Variants in ACVR1C observed in about 807,000 individuals in gnomAD.
The protein encoded by ACVR1C is activin A receptor type 1C.
In ACVR1C, 23 loss-of-function variants were observed where a neutral mutation model predicts 57.9. The observed-to-expected ratio is 0.40, with a 90% CI of 0.29 to 0.56. The LOEUF (loss-of-function observed/expected upper bound fraction) is 0.56. ACVR1C is among the 20% of genes least tolerant of loss of function. The pLI, the probability that ACVR1C is intolerant of heterozygous loss-of-function variation, is 0.50. For missense variants in ACVR1C, 480 were observed against 607.9 expected (o/e 0.79, Z 2.21); for synonymous variants, 214 against 215.3 (o/e 0.99, Z 0.05).
At position 157,587,198 on chromosome 2, in the gene ACVR1C, T is replaced by G. The variant is rs1688945023; in HGVS notation, c.293A>C (p.His98Pro). 3.1e-6 allele frequency: 5 copies of G among 1,611,176 alleles called. No homozygotes were observed. Among genetic ancestry groups the G allele is most frequent in the Non-Finnish European group, 4.2e-6 (5 of 1,177,398 alleles). ...GATAAACCCCTTACCTGTTGGAAGG[T>G]GCAGTGTTATGTTGTTGCAAAAATC... ...FTDFCNNITLHLPTASPNAPK... is the reference protein window; with the variant it reads ...FTDFCNNITLPLPTASPNAPK... Residue 98 changes from histidine to proline, a missense_variant, in exon 2 of 9, where the codon CAC becomes CCC. Physicochemically the swap from His to Pro is moderately conservative, Grantham distance 77. Coordinates refer to ENST00000243349, the MANE Select transcript of ACVR1C (RefSeq NM_145259.3).
intron 4 of ACVR1C, among the ~76,000 whole-genome samples, chr2:157,546,707 T>G (rs997307627): frequency 2.0e-5 from 3 of 152,056 alleles, no homozygotes; most frequent in African/African-American, 7.2e-5. Context: ...GAGTAACAAT[T>G]TCGTAAAAAA....
At chr2:157,577,623 C>T (rs1688694944) in intron 2 of ACVR1C, among the ~76,000 whole-genome samples, 1 of 152,066 alleles carries the variant, frequency 6.6e-6, no homozygotes, top group African/African-American at 2.4e-5. Context: ...TTTACCATCA[C>T]AATAATTTCA....
intron 1 of ACVR1C, among the ~76,000 whole-genome samples, chr2:157,604,720 A>G (rs754418631): frequency 2.0e-5 from 3 of 151,860 alleles, no homozygotes; most frequent in Non-Finnish European, 3.0e-5. Context: ...AGTTACTTAC[A>G]TATTTTGTCC....
intron 6 of ACVR1C, 79 bp from the exon 7 acceptor site, chr2:157,541,293 G>A (rs1573904773): frequency 7.0e-7 from 1 of 1,435,486 alleles, no homozygotes; most frequent in Admixed American, 2.4e-5. Context: ...AATTAAGATA[G>A]CTTATGCCAT....
intron 1 of ACVR1C, among the ~76,000 whole-genome samples, chr2:157,618,127 G>T (rs1343961282): frequency 1.3e-5 from 2 of 151,796 alleles, no homozygotes; most frequent in East Asian, 3.9e-4. Context: ...TTCTTTAAAG[G>T]TAATACATAA....
At chr2:157,609,040 G>A (rs1406836026) in intron 1 of ACVR1C, among the ~76,000 whole-genome samples, 1 of 151,096 alleles carries the variant, frequency 6.6e-6, no homozygotes, top group Non-Finnish European at 1.5e-5. Flanking sequence ...TGCTCTTGAG[G>A]TTCATTGAGG....
chr2:157,578,259 T>G (rs994967669), intron 2 of ACVR1C, among the ~76,000 whole-genome samples: 2 of 152,170 alleles, frequency 1.3e-5, no homozygotes, highest in Non-Finnish European at 2.9e-5. Flanking sequence ...TACTGGAGAT[T>G]AGAAAGAATA....
At chr2:157,580,484 G>A (rs1478795455) in intron 2 of ACVR1C, among the ~76,000 whole-genome samples, 1 of 152,086 alleles carries the variant, frequency 6.6e-6, no homozygotes, top group Non-Finnish European at 1.5e-5. Context: ...AGATAATTAT[G>A]CCAGCATCAT....
At chr2:157,619,205 T>G (rs1277476614) in intron 1 of ACVR1C, among the ~76,000 whole-genome samples, 2 of 151,752 alleles carry the variant, frequency 1.3e-5, no homozygotes, top group Non-Finnish European at 3.0e-5. Context: ...TTCTGTTATT[T>G]CATCCCAAAT....
At chr2:157,593,785 A>C (rs1682006370) in intron 1 of ACVR1C, among the ~76,000 whole-genome samples, 1 of 152,152 alleles carries the variant, frequency 6.6e-6, no homozygotes, top group Non-Finnish European at 1.5e-5. Context: ...GCCTTTCTTA[A>C]CAGTAAGGAA....
At chr2:157,607,558 G>A (rs1682432665) in intron 1 of ACVR1C, among the ~76,000 whole-genome samples, 1 of 151,744 alleles carries the variant, frequency 6.6e-6, no homozygotes, top group Admixed American at 6.6e-5. Context: ...CCTTTAGGTA[G>A]TATGGTCATT....
intron 1 of ACVR1C, among the ~76,000 whole-genome samples, chr2:157,611,469 T>C (rs971560454): frequency 1.3e-5 from 2 of 151,598 alleles, no homozygotes; most frequent in African/African-American, 2.4e-5. Flanking sequence ...ATGTTGACTG[T>C]GATGTTAGTG....
At chr2:157,626,502 G>A (rs1490564645) in intron 1 of ACVR1C, among the ~76,000 whole-genome samples, 1 of 152,230 alleles carries the variant, frequency 6.6e-6, no homozygotes, top group Non-Finnish European at 1.5e-5. Flanking sequence ...CTGTCACACA[G>A]TTTCACTGAC....
chr2:157,620,879 G>T (rs765642226), intron 1 of ACVR1C, among the ~76,000 whole-genome samples: 3 of 151,950 alleles, frequency 2.0e-5, no homozygotes, highest in Non-Finnish European at 2.9e-5. Context: ...CATAAAAAAA[G>T]GTATAAGGTG....
At chr2:157,550,872 C>T (rs1319608084) in intron 3 of ACVR1C, among the ~76,000 whole-genome samples, 1 of 151,758 alleles carries the variant, frequency 6.6e-6, no homozygotes, top group African/African-American at 2.4e-5. Context: ...ATACAATGAT[C>T]ATGTGAGATA....
At chr2:157,583,206 G>A (rs1028076862) in intron 2 of ACVR1C, among the ~76,000 whole-genome samples, 7 of 152,128 alleles carry the variant, frequency 4.6e-5, no homozygotes, top group Non-Finnish European at 1.0e-4. Flanking sequence ...AATAAAATAA[G>A]AGGAAAATTA....
intron 1 of ACVR1C, among the ~76,000 whole-genome samples, chr2:157,601,191 C>T (rs933328824): frequency 4.1e-4 from 63 of 151,968 alleles, no homozygotes; most frequent in African/African-American, 1.5e-3. Flanking sequence ...GTGGCAGGCT[C>T]CTGTAATCAC....
At chr2:157,587,730 C>T (rs1280455391) in intron 1 of ACVR1C, among the ~76,000 whole-genome samples, 1 of 151,968 alleles carries the variant, frequency 6.6e-6, no homozygotes, top group Non-Finnish European at 1.5e-5. Context: ...AAATCAATAG[C>T]TCCTAGGAAA....
intron 1 of ACVR1C, among the ~76,000 whole-genome samples, chr2:157,608,454 G>T (rs1387810372): frequency 1.3e-5 from 2 of 151,616 alleles, no homozygotes; most frequent in African/African-American, 4.8e-5. Context: ...TTCTTTTTTG[G>T]TTGTGTCGTT....
Sources: gnomAD v4.1 joint callset for allele counts (sites outside exome capture counted in the v4.1 genomes callset) on GRCh38, gnomAD v4.1.1 for gene constraint, MANE v1.5 for transcripts, NCBI Gene and HGNC (gene_info 2026-07-23, HGNC 2026-07-21) for gene names.